The following OXSR1 variants were observed in gnomAD, a reference collection of about 807,000 sequenced individuals.
The protein encoded by OXSR1 is serine/threonine-protein kinase OSR1.
A neutral mutation model predicts 79.8 loss-of-function variants in OXSR1; 24 were observed. The observed-to-expected ratio is 0.30, with a 90% confidence interval of 0.22 to 0.42. OXSR1 has a LOEUF of 0.42. Ranked by LOEUF, OXSR1 falls within the 10% of genes least tolerant of loss-of-function variation. The pLI is 1.00. For synonymous variants in OXSR1, 226 were observed against 209.2 expected, an observed-to-expected ratio of 1.08 and a Z score of -0.69; for missense variants, 430 against 618.4, an observed-to-expected ratio of 0.70 and a Z score of 3.23.
chr3:38,200,977 G>A (rs28661720), intron 4 of OXSR1, among the ~76,000 whole-genome samples: 20,805 of 152,072 alleles, frequency 0.14, 1,823 homozygotes, highest in Middle Eastern at 0.27. Context: ...GAATAGTATC[G>A]ATTTTGACAT....
intron 1 of OXSR1, among the ~76,000 whole-genome samples, chr3:38,176,870 T>TA (rs1701684994): frequency 6.6e-6 from 1 of 152,234 alleles, no homozygotes; most frequent in South Asian, 2.1e-4. Context: ...TAACTAAAGT[T>TA]AAAATCAAAC....
At chr3:38,230,253 T>A (rs1702777190) in intron 9 of OXSR1, 112 bp from the exon 10 acceptor site, 2 of 718,728 alleles carry the variant, frequency 2.8e-6, no homozygotes, top group East Asian at 2.5e-5. Flanking sequence ...TTTCTCACAC[T>A]TCATTACAGA....
At chr3:38,251,852 C>G (rs1703263338) in intron 16 of OXSR1, among the ~76,000 whole-genome samples, 1 of 152,192 alleles carries the variant, frequency 6.6e-6, no homozygotes, top group Non-Finnish European at 1.5e-5. Flanking sequence ...AGAGAGAAGG[C>G]CCAGTGAGGC....
intron 11 of OXSR1, among the ~76,000 whole-genome samples, chr3:38,239,819 A>G (rs1310212862): frequency 1.3e-5 from 2 of 152,138 alleles, no homozygotes; most frequent in Non-Finnish European, 2.9e-5. Flanking sequence ...TCCTCAACTC[A>G]GGCAGTTCCT....
Position 38,246,236 on chromosome 3 carries a change from A to G in OXSR1, c.1257+15A>G, listed in dbSNP as rs1703139990. On this transcript the variant is annotated intron_variant, in intron 13 of 17. Coordinates refer to ENST00000311806, the MANE Select transcript of OXSR1 (RefSeq NM_005109.3). ...AAACAGCTCAGGTAAAGCCGGGGAT[A>G]TGGTTTCATGGTCACTCCTTTGGAT... is the stretch of plus-strand genomic sequence containing the variant. 1 of 1,613,178 alleles carries G rather than the reference A, an allele frequency of 6.2e-7. No individual in the cohort carries two copies. The highest frequency in any genetic ancestry group is 8.5e-7 in the Non-Finnish European group (1 of 1,179,336).
intron 5 of OXSR1, among the ~76,000 whole-genome samples, chr3:38,217,515 T>TTTTG (rs549586666): frequency 2.8e-3 from 424 of 152,112 alleles, no homozygotes; most frequent in African/African-American, 4.0e-3. Context: ...AATACCGGGT[T>TTTTG]TTTGTTTGTT....
intron 11 of OXSR1, among the ~76,000 whole-genome samples, chr3:38,241,472 G>A (rs1703032740): frequency 6.6e-6 from 1 of 152,122 alleles, no homozygotes; most frequent in African/African-American, 2.4e-5. Context: ...ATTATATCAT[G>A]TTAAATTTAA....
At chr3:38,234,048 A>G (rs1702868123) in intron 10 of OXSR1, among the ~76,000 whole-genome samples, 1 of 152,250 alleles carries the variant, frequency 6.6e-6, no homozygotes, top group Non-Finnish European at 1.5e-5. Flanking sequence ...GAATATTCAC[A>G]TGCAGAAGAA....
chr3:38,168,007 G>A (rs760227095), intron 1 of OXSR1, among the ~76,000 whole-genome samples: 1 of 151,856 alleles, frequency 6.6e-6, no homozygotes, highest in Non-Finnish European at 1.5e-5. Context: ...TTGCAAAGGC[G>A]CTAGAGATTT....
At chr3:38,236,609 G>T in intron 10 of OXSR1, 2 of 303,502 alleles carry the variant, frequency 6.6e-6, no homozygotes, top group Non-Finnish European at 6.0e-6. Context: ...GGATTTTGAT[G>T]TTTGGGCTCA....
rs372701984 is a variant in OXSR1, at chr3:38,252,935, C to G, written c.*44C>G. The G allele has an allele frequency of 1.4e-6, 2 of 1,470,558 alleles. No homozygotes were observed. The highest frequency in any genetic ancestry group is 1.9e-6 in the Non-Finnish European group (2 of 1,049,380). 91.1% of individuals were successfully genotyped at this position (1,470,558 alleles called of 1,614,324 possible). A position where few individuals can be genotyped will look rare whatever the true frequency, so the allele number is the denominator to read the frequency against. On this transcript the variant is annotated 3_prime_UTR_variant, in exon 18 of 18. Transcript: ENST00000311806. The stretch of plus-strand genomic sequence containing the variant: ...GCGGCCTAAGGAGATTCCACACATG[C>G]GTATCTCTGTTGCTTCTATTGGCCT...
chr3:38,214,123 AG>A (rs1418224743), intron 4 of OXSR1, among the ~76,000 whole-genome samples: 1 of 151,146 alleles, frequency 6.6e-6, no homozygotes, highest in African/African-American at 2.4e-5. Context: ...GGAAGCAGGG[AG>A]GGAACAGTGT....
intron 4 of OXSR1, among the ~76,000 whole-genome samples, chr3:38,209,633 C>CTTT (rs36124151): frequency 7.6e-6 from 1 of 132,226 alleles, no homozygotes; most frequent in South Asian, 2.4e-4. Context: ...ATCAATTATA[C>CTTT]TTTTTTTTTT....
intron 14 of OXSR1, among the ~76,000 whole-genome samples, chr3:38,248,809 A>T (rs900821416): frequency 6.6e-6 from 1 of 152,208 alleles, no homozygotes. Flanking sequence ...GCTGTTTTAA[A>T]TCTACATAAA....
chr3:38,251,138 G>T (rs1246697840), intron 15 of OXSR1, among the ~76,000 whole-genome samples: 1 of 152,152 alleles, frequency 6.6e-6, no homozygotes, highest in Non-Finnish European at 1.5e-5. Context: ...GAGATGTTCA[G>T]TATTCAACAT....
intron 4 of OXSR1, among the ~76,000 whole-genome samples, chr3:38,199,887 G>A (rs1702131946): frequency 6.6e-6 from 1 of 152,194 alleles, no homozygotes. Flanking sequence ...ACTCCCACCT[G>A]GTGCCAGTGG....
chr3:38,189,457 T>G (rs1701944160), intron 2 of OXSR1, among the ~76,000 whole-genome samples: 1 of 152,208 alleles, frequency 6.6e-6, no homozygotes, highest in African/African-American at 2.4e-5. Context: ...TGCTGGTGAC[T>G]TTGGGGTTGC....
At chr3:38,249,773 G>A (rs577109161) in intron 14 of OXSR1, among the ~76,000 whole-genome samples, 193 bp from the exon 15 acceptor site, 3 of 152,268 alleles carry the variant, frequency 2.0e-5, no homozygotes, top group Admixed American at 1.3e-4. Flanking sequence ...TCAAAGGGTT[G>A]TAGGACAATT....
chr3:38,232,600 AAAAATT>A (rs1183314648), intron 10 of OXSR1, among the ~76,000 whole-genome samples: 2 of 151,518 alleles, frequency 1.3e-5, no homozygotes, highest in African/African-American at 4.9e-5. Flanking sequence ...CTAAAAATAC[AAAAATT>A]AAAATTAGCC....
Sources: gnomAD v4.1 joint callset for allele counts (sites outside exome capture counted in the v4.1 genomes callset) on GRCh38, gnomAD v4.1.1 for gene constraint, MANE v1.5 for transcripts, NCBI Gene and HGNC (gene_info 2026-07-23, HGNC 2026-07-21) for gene names.